The following LUZP2 variants were observed in gnomAD, a reference collection of about 807,000 sequenced individuals.
LUZP2 encodes leucine zipper protein 2.
Under a neutral mutation model 51.6 loss-of-function variants are expected in LUZP2, and 52 were observed. The ratio of observed to expected loss-of-function variants is 1.01; its 90% CI spans 0.81 to 1.27. The LOEUF is 1.27. Ranked by LOEUF, LUZP2 falls within the 50% of genes most tolerant of loss-of-function variation. The probability of loss-of-function intolerance (pLI) is 0.00; values close to 1 mark genes in which losing one functional copy is unlikely to be tolerated. For synonymous variants in LUZP2, 154 were observed against 137.3 expected, an observed-to-expected ratio of 1.12 and a Z score of -0.85; for missense variants, 436 against 395.4, an observed-to-expected ratio of 1.10 and a Z score of -0.87.
intron 1 of LUZP2, among the ~76,000 whole-genome samples, chr11:24,637,252 A>G (rs1001871759): frequency 6.6e-6 from 1 of 151,798 alleles, no homozygotes; most frequent in African/African-American, 2.4e-5. Context: ...GACATTTATC[A>G]GTTCCCCAAA....
At chr11:24,897,412 C>T (rs1033331595) in intron 5 of LUZP2, among the ~76,000 whole-genome samples, 2 of 152,184 alleles carry the variant, frequency 1.3e-5, no homozygotes, top group Non-Finnish European at 2.9e-5. Flanking sequence ...AGCTGTAACA[C>T]TCATTGCGAA....
intron 5 of LUZP2, among the ~76,000 whole-genome samples, chr11:24,795,000 A>G (rs1246946031): frequency 6.6e-6 from 1 of 152,108 alleles, no homozygotes; most frequent in African/African-American, 2.4e-5. Flanking sequence ...ATGGAAGTTA[A>G]ATACTGTTAA....
intron 1 of LUZP2, among the ~76,000 whole-genome samples, chr11:24,623,740 G>A (rs1036702840): frequency 1.3e-5 from 2 of 152,112 alleles, no homozygotes; most frequent in African/African-American, 2.4e-5. Context: ...CCTGCTACTC[G>A]GGAGGCTGAG....
chr11:24,838,299 C>A (rs541348071), intron 5 of LUZP2, among the ~76,000 whole-genome samples: 1 of 151,674 alleles, frequency 6.6e-6, no homozygotes, highest in East Asian at 1.9e-4. Context: ...ATAAAATATT[C>A]ATATACATTC....
intron 1 of LUZP2, among the ~76,000 whole-genome samples, chr11:24,702,365 G>C (rs1219995910): frequency 1.3e-5 from 2 of 151,824 alleles, no homozygotes; most frequent in Non-Finnish European, 2.9e-5. Flanking sequence ...TCTCAATTAT[G>C]GAAGAAGAAA....
At chr11:24,700,320 T>C (rs1208048069) in intron 1 of LUZP2, among the ~76,000 whole-genome samples, 1 of 152,280 alleles carries the variant, frequency 6.6e-6, no homozygotes, top group East Asian at 1.9e-4. Context: ...TGCCTTAGCC[T>C]CCCAAAGTGC....
chr11:24,996,587 ATTT>A (rs1348812173), intron 9 of LUZP2, among the ~76,000 whole-genome samples: 3 of 9,274 alleles, frequency 3.2e-4, no homozygotes, highest in Non-Finnish European at 6.4e-3. Context: ...ATTTTATTTT[ATTT>A]TATTTTATTT....
At chr11:25,034,601 T>C (rs1347980510) in intron 9 of LUZP2, among the ~76,000 whole-genome samples, 1 of 152,080 alleles carries the variant, frequency 6.6e-6, no homozygotes, top group Non-Finnish European at 1.5e-5. Context: ...TTTTGTATAT[T>C]GTGAAAGGTA....
intron 1 of LUZP2, among the ~76,000 whole-genome samples, chr11:24,605,808 A>G (rs939166988): frequency 4.0e-5 from 6 of 151,792 alleles, no homozygotes; most frequent in African/African-American, 1.4e-4. Flanking sequence ...GGTCTCCAGA[A>G]CTTATTTGTC....
Position 24,914,552 on chromosome 11 carries a change from C to T in LUZP2, c.522+14C>T, listed in dbSNP as rs375069284. 5.1e-6 allele frequency: 8 copies of T among 1,569,542 alleles called. No homozygotes were observed. The South Asian group carries it at 5.8e-5, about 11-fold the overall frequency. On this transcript the variant is annotated intron_variant, in intron 7 of 11. Coordinates refer to ENST00000336930, the MANE Select transcript of LUZP2 (RefSeq NM_001009909.4). ...TTATTATTTAAGGTGAGTCTCTTTT[C>T]TCTCTTTTCCCTGAAACTTGCTAGC...
chr11:24,868,258 A>G (rs1425221069), intron 5 of LUZP2, among the ~76,000 whole-genome samples: 1 of 152,126 alleles, frequency 6.6e-6, no homozygotes, highest in Non-Finnish European at 1.5e-5. Context: ...TACTGGAGAC[A>G]ACTCTTAGCT....
chr11:24,710,666 T>C (rs974674229), intron 1 of LUZP2, among the ~76,000 whole-genome samples: 2 of 152,244 alleles, frequency 1.3e-5, no homozygotes, highest in African/African-American at 2.4e-5. Flanking sequence ...AACAAATTTC[T>C]ACTACTTGAA....
At chr11:24,817,244 A>T (rs1850215796) in intron 5 of LUZP2, among the ~76,000 whole-genome samples, 1 of 152,048 alleles carries the variant, frequency 6.6e-6, no homozygotes, top group East Asian at 1.9e-4. Context: ...AATAACAACA[A>T]GTATGTGTCT....
chr11:24,861,339 G>A (rs1025007854), intron 5 of LUZP2, among the ~76,000 whole-genome samples: 10 of 152,108 alleles, frequency 6.6e-5, no homozygotes, highest in African/African-American at 2.4e-4. Context: ...CAGAGTACCA[G>A]AAAAATATGG....
intron 7 of LUZP2, among the ~76,000 whole-genome samples, chr11:24,964,246 G>T (rs1488031704): frequency 1.3e-5 from 2 of 152,032 alleles, no homozygotes; most frequent in Non-Finnish European, 2.9e-5. Flanking sequence ...ATGGTAACTG[G>T]CACATTTACC....
intron 5 of LUZP2, chr11:24,892,979 C>T (rs575901787): frequency 6.6e-6 from 1 of 152,236 alleles, no homozygotes; most frequent in South Asian, 2.1e-4. Context: ...ATGTACATCA[C>T]CTAACTTTGT....
chr11:24,703,693 G>A (rs1425192438), intron 1 of LUZP2, among the ~76,000 whole-genome samples: 6 of 151,674 alleles, frequency 4.0e-5, no homozygotes, highest in African/African-American at 7.3e-5. Flanking sequence ...GTTAAGTTTT[G>A]TAGTATGTGC....
intron 1 of LUZP2, among the ~76,000 whole-genome samples, chr11:24,501,391 C>T (rs1270238526): frequency 1.3e-5 from 2 of 152,144 alleles, no homozygotes; most frequent in African/African-American, 4.8e-5. Flanking sequence ...AACCAAACTC[C>T]ATGTAATTGA....
chr11:24,680,497 GA>G (rs1224782846), intron 1 of LUZP2, among the ~76,000 whole-genome samples: 8 of 152,138 alleles, frequency 5.3e-5, no homozygotes, highest in African/African-American at 1.9e-4. Flanking sequence ...CCTACAAGTG[GA>G]AAGAAATGAT....
Sources: allele counts gnomAD v4.1 joint callset (sites outside exome capture counted in the v4.1 genomes callset), GRCh38; gene constraint gnomAD v4.1.1; transcripts MANE v1.5; gene names NCBI Gene and HGNC (gene_info 2026-07-23, HGNC 2026-07-21).